Variants in ADGRA2 observed in about 807,000 individuals in gnomAD.
ADGRA2 encodes adhesion G protein-coupled receptor A2, also known as G-protein coupled receptor 124.
Under a neutral mutation model 98.7 loss-of-function variants are expected in ADGRA2, and 61 were observed. That is an observed-to-expected ratio of 0.62 (90% CI 0.50 to 0.76). The LOEUF is 0.76. ADGRA2 is among the 30% of genes least tolerant of loss of function. The probability of loss-of-function intolerance (pLI) is 0.00; values close to 1 mark genes in which losing one functional copy is unlikely to be tolerated. For synonymous variants in ADGRA2, 858 were observed against 831.5 expected, an observed-to-expected ratio of 1.03 and a Z score of -0.55; for missense variants, 1,712 against 1,860.0, an observed-to-expected ratio of 0.92 and a Z score of 1.46.
At chr8:37,816,434 A>G (rs1804983562) in intron 2 of ADGRA2, among the ~76,000 whole-genome samples, 1 of 151,764 alleles carries the variant, frequency 6.6e-6, no homozygotes, top group African/African-American at 2.4e-5. Flanking sequence ...CTCTACTAAA[A>G]ATACAAAAAT....
Position 37,842,417 on chromosome 8 carries a change from C to T in ADGRA2, c.*62C>T. 7.1e-7 allele frequency: 1 copy of T among 1,412,850 alleles called. No homozygotes were observed. Among genetic ancestry groups the T allele is most frequent in the African/African-American group, 1.5e-5 (1 of 66,518 alleles). The allele number at this position is 1,412,850 out of a possible 1,614,324, so 87.5% of individuals were successfully genotyped here. On this transcript the variant is annotated 3_prime_UTR_variant, in exon 19 of 19. Coordinates refer to ENST00000412232, the MANE Select transcript of ADGRA2 (RefSeq NM_032777.10). ...CGGCTCGTTCCCCCGCTCCTCGGGG[C>T]CCTCCAAGGTGTCTCCGTAGTCAGC...
intron 13 of ADGRA2, among the ~76,000 whole-genome samples, chr8:37,836,094 C>T (rs559265888): frequency 7.1e-4 from 95 of 133,562 alleles, no homozygotes; most frequent in Non-Finnish European, 1.3e-3. Flanking sequence ...CACACACACA[C>T]ACACCCCACA....
chr8:37,797,628 C>T lies in ADGRA2; in HGVS notation c.266+94C>T. On this transcript the variant is annotated intron_variant, in intron 1 of 18. Coordinates refer to ENST00000412232, the MANE Select transcript of ADGRA2 (RefSeq NM_032777.10). The surrounding 1 kb of genome is among the most constrained non-coding windows in gnomAD (Gnocchi z 5.3). ...GTGGGAGCAGGGGGAAGGGGGCTAT[C>T]CCCCCACTTCAGAGATTTCTGGACA... 2 of 1,132,306 alleles carry T rather than the reference C, an allele frequency of 1.8e-6. No individual in the cohort carries two copies. The highest frequency in any genetic ancestry group is 3.6e-5 in the South Asian group (1 of 27,556). The allele number at this position is 1,132,306 out of a possible 1,614,324, so 70.1% of individuals were successfully genotyped here.
rs767925089 is a variant in ADGRA2 at position 37,844,618 on chromosome 8, CAG to C, written c.*2264_*2265del. On this transcript the variant is annotated 3_prime_UTR_variant, in exon 19 of 19. Coordinates refer to ENST00000412232, the MANE Select transcript of ADGRA2 (RefSeq NM_032777.10). ...TCAGAAATGTTCTCATCTCCAGTGA[CAG>C]TGGAGACAGGGGGTACAGGGCAGAT... is the stretch of plus-strand genomic sequence containing the variant. The C allele has an allele frequency of 6.2e-7, 1 of 1,614,016 alleles. No individual in the cohort carries two copies. Among genetic ancestry groups the C allele is most frequent in the African/African-American group, 1.3e-5 (1 of 74,916 alleles).
At position 37,840,140 on chromosome 8, in the gene ADGRA2, ACTC is replaced by A; in HGVS notation, c.2536_2538del (p.Ser846del). 6.2e-7 allele frequency: 1 copy of A among 1,605,430 alleles called. No individual in the cohort carries two copies. The highest frequency in any genetic ancestry group is 8.5e-7 in the Non-Finnish European group (1 of 1,178,882). ...CCGCAGGTGGGCATCACCCTGCACT[ACTC>A]CTCCCTATCCACGCTGCTCTGGATG... On this transcript the variant is annotated inframe_deletion, in exon 17 of 19. Coordinates refer to ENST00000412232, the MANE Select transcript of ADGRA2 (RefSeq NM_032777.10).
chr8:37,797,358 G>C lies in ADGRA2; in HGVS notation c.90G>C (p.Glu30Asp). 2.1e-6 allele frequency: 3 copies of C among 1,414,632 alleles called. No individual in the cohort carries two copies. The South Asian group carries it at 4.5e-5, about 21-fold the overall frequency. 87.6% of individuals were successfully genotyped at this position (1,414,632 alleles called of 1,614,324 possible). ...LPWLLLLLAP[E>D]ARGAPGCPLS... ...GGCTCCTGCTGCTCCTGGCGCCCGA[G>C]GCTCGGGGCGCGCCCGGCTGCCCGC... Residue 30 changes from glutamate (E) to aspartate (D), a missense_variant, in exon 1 of 19, where the codon GAG (glutamate) becomes GAC (aspartate). Transcript: ENST00000412232. The surrounding 1 kb of genome is among the most constrained non-coding windows in gnomAD (Gnocchi z 5.3).
chr8:37,828,882 C>G lies in ADGRA2; in HGVS notation c.339-6C>G. ...GGTGTGAGGGCCTCTGCACTTGCCT[C>G]TGCAGGGACCTGAGGAACAACATCA... On this transcript the variant is annotated splice_polypyrimidine_tract_variant and splice_region_variant and intron_variant, in intron 2 of 18. Coordinates refer to ENST00000412232, the MANE Select transcript of ADGRA2 (RefSeq NM_032777.10). 6 of 1,598,228 alleles carry G rather than the reference C, an allele frequency of 3.8e-6. No individual in the cohort carries two copies. Among genetic ancestry groups the G allele is most frequent in the Non-Finnish European group, 4.3e-6 (5 of 1,173,286 alleles).
rs188745586 is a variant in ADGRA2 at position 37,801,242 on chromosome 8, T to A, written c.266+3708T>A. ...TTCTCTAGTGGATTTTCATTCGCAG[T>A]TTTCCAGGAAAGCTGAGCTCTTGGC... is the stretch of plus-strand genomic sequence containing the variant. On this transcript the variant is annotated intron_variant, in intron 1 of 18. Transcript: ENST00000412232. 1.4e-4 allele frequency among the ~76,000 whole-genome samples: 22 copies of A among 152,338 alleles called. No homozygotes were observed. In the East Asian group the frequency reaches 4.2e-3, roughly 29 times the overall value.
chr8:37,807,634 A>G (rs1045554946), intron 1 of ADGRA2, among the ~76,000 whole-genome samples: 2 of 152,142 alleles, frequency 1.3e-5, no homozygotes, highest in African/African-American at 4.8e-5. Flanking sequence ...TTCGAGCCCC[A>G]GGGCTTTTTG....
rs553743121 is a variant in ADGRA2 at position 37,806,465 on chromosome 8, A to ACAATG, written c.267-8430_267-8426dup. Among the ~76,000 whole-genome samples the ACAATG allele has an allele frequency of 4.4e-3, 663 of 150,886 alleles. 8 individuals carry two copies. The highest frequency in any genetic ancestry group is 0.015 in the African/African-American group (614 of 40,770). ...CTGGCACCACCTCGGGTAGCTTCAGACAATGTGACCCCTATGGGTGTGGCA... is the reference window on the plus strand; with the variant it reads ...CTGGCACCACCTCGGGTAGCTTCAGACAATGCAATGTGACCCCTATGGGTGTGGCA... On this transcript the variant is annotated intron_variant, in intron 1 of 18. Transcript: ENST00000412232.
At chr8:37,833,484 C>T (rs978444219) in intron 9 of ADGRA2, among the ~76,000 whole-genome samples, 2 of 152,226 alleles carry the variant, frequency 1.3e-5, no homozygotes, top group Non-Finnish European at 2.9e-5. Flanking sequence ...TCCCACTGTC[C>T]TTACACCAGG....
At chr8:37,822,415 ATG>A (rs879523779) in intron 2 of ADGRA2, among the ~76,000 whole-genome samples, 48,730 of 145,924 alleles carry the variant, frequency 0.33, 9,230 homozygotes, top group African/African-American at 0.57. Context: ...ACACAGTCAC[ATG>A]CTCTTTAACT....
At chr8:37,801,042 G>T (rs1421692224) in intron 1 of ADGRA2, among the ~76,000 whole-genome samples, 1 of 152,074 alleles carries the variant, frequency 6.6e-6, no homozygotes. Flanking sequence ...TGAAGGTGGG[G>T]TCCCTGTCTG....
Position 37,832,131 on chromosome 8 carries a change from TGA to T in ADGRA2, c.1097+552_1097+553del, listed in dbSNP as rs1554525698. Among the ~76,000 whole-genome samples the T allele has an allele frequency of 2.2e-3, 327 of 151,650 alleles. 2 individuals are homozygous for T. Among genetic ancestry groups the T allele is most frequent in the African/African-American group, 6.5e-3 (268 of 41,244 alleles). ...CTGCAGAAAAAGACTTTTTTTTTTT[TGA>T]GAGAGAGTCTCACTCTGGAGTGCAA... On this transcript the variant is annotated intron_variant, in intron 8 of 18. Transcript: ENST00000412232.
chr8:37,817,579 T>G (rs753866771), intron 2 of ADGRA2, among the ~76,000 whole-genome samples: 14 of 152,116 alleles, frequency 9.2e-5, no homozygotes, highest in Non-Finnish European at 1.6e-4. Flanking sequence ...CACAGTGGTA[T>G]GCACCCATAG....
chr8:37,807,721 G>T (rs1181157780), intron 1 of ADGRA2, among the ~76,000 whole-genome samples: 1 of 152,176 alleles, frequency 6.6e-6, no homozygotes, highest in Non-Finnish European at 1.5e-5. Flanking sequence ...AGTGGCAGGT[G>T]TTGGAGACAG....
chr8:37,827,797 G>A (rs112339573), intron 2 of ADGRA2, among the ~76,000 whole-genome samples: 8 of 152,198 alleles, frequency 5.3e-5, no homozygotes, highest in Admixed American at 2.0e-4. Flanking sequence ...CTGTTTCCTC[G>A]CCTGTCAGAC....
In ADGRA2 at chr8:37,829,997, A is replaced by T; in HGVS notation, c.701A>T (p.Glu234Val). ...LHAQALGSLQEAQLCCEGALE... is the reference protein window; with the variant it reads ...LHAQALGSLQVAQLCCEGALE... ...GCTCAGGCCCTGGGCAGCCTCCAGGAGGCCCAGCTCTGCTGCGGTGAGCAA... is the reference window on the plus strand; with the variant it reads ...GCTCAGGCCCTGGGCAGCCTCCAGGTGGCCCAGCTCTGCTGCGGTGAGCAA... Residue 234 changes from glutamate to valine, a missense_variant, in exon 6 of 19, where the codon GAG becomes GTG. Physicochemically the swap from Glu to Val is moderately radical, Grantham distance 121 (BLOSUM62 -2). Transcript: ENST00000412232. 1.3e-6 allele frequency: 2 copies of T among 1,583,138 alleles called. No homozygotes were observed. The highest frequency in any genetic ancestry group is 1.7e-6 in the Non-Finnish European group (2 of 1,168,234).
chr8:37,804,818 G>A (rs1473235793), intron 1 of ADGRA2, among the ~76,000 whole-genome samples: 1 of 152,226 alleles, frequency 6.6e-6, no homozygotes, highest in Non-Finnish European at 1.5e-5. Flanking sequence ...ACATGAGCCA[G>A]GGAAAAGGGG....
Sources: gnomAD v4.1 joint callset for allele counts (sites outside exome capture counted in the v4.1 genomes callset) on GRCh38, gnomAD v4.1.1 for gene constraint, Gnocchi (gnomAD v3.1) non-coding constraint, MANE v1.5 for transcripts, NCBI Gene and HGNC (gene_info 2026-07-23, HGNC 2026-07-21) for gene names.